The following GNB4 variants were observed in gnomAD, a reference collection of about 807,000 sequenced individuals.
GNB4 encodes guanine nucleotide-binding protein subunit beta-4.
GNB4 carries 28 observed loss-of-function variants against 45.2 expected under a neutral mutation model. That is an observed-to-expected ratio of 0.62 (90% confidence interval 0.46 to 0.85). The LOEUF (loss-of-function observed/expected upper bound fraction) is 0.85, where lower values mean the gene tolerates loss of function less well. GNB4 is among the 40% of genes least tolerant of loss of function. The pLI, the probability that GNB4 is intolerant of heterozygous loss-of-function variation, is 0.00. For synonymous variants in GNB4, 132 were observed against 143.7 expected, an observed-to-expected ratio of 0.92 and a Z score of 0.58; for missense variants, 321 against 425.4, an observed-to-expected ratio of 0.75 and a Z score of 2.16.
chr3:179,402,634 C>T (rs564986263), intron 9 of GNB4, among the ~76,000 whole-genome samples: 2 of 152,292 alleles, frequency 1.3e-5, no homozygotes, highest in African/African-American at 2.4e-5. Context: ...AACGAACTTT[C>T]GTAAGCTGGA....
chr3:179,420,630 T>G (rs1160852618), intron 3 of GNB4, among the ~76,000 whole-genome samples: 1 of 151,912 alleles, frequency 6.6e-6, no homozygotes, highest in Non-Finnish European at 1.5e-5. Context: ...TTATTTTTAG[T>G]AGAGATGAGG....
chr3:179,397,499 A>G lies in GNB4; in HGVS notation c.*3714T>C, dbSNP rs1033881740. ...GAGACTAGTTTACTACTATCATGCAATCGCTGAGGTCATATGAGTCTAAAA... is the reference window on the plus strand; with the variant it reads ...GAGACTAGTTTACTACTATCATGCAGTCGCTGAGGTCATATGAGTCTAAAA... On this transcript the variant is annotated 3_prime_UTR_variant, in exon 10 of 10. Transcript: ENST00000232564. 1 of 152,402 alleles carries G rather than the reference A, an allele frequency of 6.6e-6. No homozygotes were observed. The highest frequency in any genetic ancestry group is 1.5e-5 in the Non-Finnish European group (1 of 68,030). The allele number at this position is 152,402 out of a possible 1,614,324, so 9.4% of individuals were successfully genotyped here.
intron 8 of GNB4, among the ~76,000 whole-genome samples, chr3:179,409,872 G>C (rs1396829281): frequency 6.6e-6 from 1 of 151,106 alleles, no homozygotes; most frequent in African/African-American, 2.4e-5. Context: ...GTGAATCCGA[G>C]TGATCAGTTT....
chr3:179,417,883 T>C (rs1714848751), intron 4 of GNB4, among the ~76,000 whole-genome samples: 1 of 152,000 alleles, frequency 6.6e-6, no homozygotes, highest in Non-Finnish European at 1.5e-5. Context: ...TATCTGATAG[T>C]GGGGTATAGG....
the GNB4 span, among the ~76,000 whole-genome samples, chr3:179,489,045 T>A: frequency 4.2e-5 from 3 of 71,512 alleles, no homozygotes; most frequent in Non-Finnish European, 7.1e-5. Context: ...TATATATATA[T>A]AATATATATG....
At chr3:179,439,561 G>A (rs1715545129) in intron 1 of GNB4, among the ~76,000 whole-genome samples, 1 of 152,164 alleles carries the variant, frequency 6.6e-6, no homozygotes, top group Non-Finnish European at 1.5e-5. Flanking sequence ...GGTCACCAAG[G>A]CAATGTGAAT....
chr3:179,519,299 T>A, the GNB4 span, among the ~76,000 whole-genome samples: 1 of 152,170 alleles, frequency 6.6e-6, no homozygotes, highest in Non-Finnish European at 1.5e-5. Context: ...GCTCTCTGAC[T>A]CCATCCCAGA....
upstream of GNB4, chr3:179,451,671 TTC>T (rs1323107743): frequency 1.3e-5 from 2 of 151,996 alleles, no homozygotes; most frequent in African/African-American, 4.8e-5. Flanking sequence ...GCTTCCTATT[TTC>T]TCTCTCGTTT....
At chr3:179,483,702 C>T in the GNB4 span, among the ~76,000 whole-genome samples, 1 of 152,086 alleles carries the variant, frequency 6.6e-6, no homozygotes, top group Non-Finnish European at 1.5e-5. Flanking sequence ...TAAGACTGGA[C>T]AAAATTTTTA....
chr3:179,417,794 AGTTCCTTT>A (rs1714846746), intron 4 of GNB4, among the ~76,000 whole-genome samples: 1 of 152,224 alleles, frequency 6.6e-6, no homozygotes, highest in Admixed American at 6.5e-5. Flanking sequence ...TCAGCCACCC[AGTTCCTTT>A]CCCTAGAGGT....
chr3:179,398,065 T>C lies in GNB4; in HGVS notation c.*3148A>G, dbSNP rs1293439134. On this transcript the variant is annotated 3_prime_UTR_variant, in exon 10 of 10. Transcript: ENST00000232564. ...GCTGAAGCAGGTTTTTGGGACGATA[T>C]GCTCAACACCACAGGGTGATAACAT... The C allele has an allele frequency of 2.0e-5, 3 of 152,122 alleles. No individual in the cohort carries two copies. Among genetic ancestry groups the C allele is most frequent in the Non-Finnish European group, 4.4e-5 (3 of 68,048 alleles). 9.4% of individuals were successfully genotyped at this position (152,122 alleles called of 1,614,324 possible).
chr3:179,490,515 G>A, the GNB4 span, among the ~76,000 whole-genome samples: 7 of 152,274 alleles, frequency 4.6e-5, no homozygotes, highest in South Asian at 4.1e-4. Context: ...ATGACAGGCC[G>A]TCTGCAAGCT....
intron 1 of GNB4, among the ~76,000 whole-genome samples, chr3:179,450,822 ACT>A (rs1419730225): frequency 5.9e-5 from 9 of 152,144 alleles, no homozygotes; most frequent in Admixed American, 2.6e-4. Flanking sequence ...CCATCCCCAA[ACT>A]CTGGACATTA....
the GNB4 span, among the ~76,000 whole-genome samples, chr3:179,497,669 G>A: frequency 6.6e-6 from 1 of 151,452 alleles, no homozygotes; most frequent in African/African-American, 2.4e-5. Flanking sequence ...CCTAGCCAGA[G>A]CAATTACTGA....
chr3:179,505,584 G>A, the GNB4 span, among the ~76,000 whole-genome samples: 1 of 152,202 alleles, frequency 6.6e-6, no homozygotes, highest in Non-Finnish European at 1.5e-5. Context: ...TAGAGCTGAG[G>A]TGGATTTTAT....
At chr3:179,418,489 GAAAA>G (rs1172785195) in intron 4 of GNB4, among the ~76,000 whole-genome samples, 3 of 134,276 alleles carry the variant, frequency 2.2e-5, no homozygotes, top group African/African-American at 5.4e-5. Context: ...AAAAAAAAAA[GAAAA>G]AAGAAAAGAA....
At chr3:179,464,295 C>G in the GNB4 span, 11 of 562,594 alleles carry the variant, frequency 2.0e-5, no homozygotes, top group Non-Finnish European at 3.5e-5. Context: ...TCCATCTCTA[C>G]TAAAAATTAA....
chr3:179,418,080 C>T (rs372338500), intron 4 of GNB4, among the ~76,000 whole-genome samples: 1 of 152,188 alleles, frequency 6.6e-6, no homozygotes, highest in African/African-American at 2.4e-5. Flanking sequence ...AAAGCAAGAA[C>T]CATAAACATT....
chr3:179,430,010 C>T (rs1715258328), intron 1 of GNB4, among the ~76,000 whole-genome samples: 1 of 151,930 alleles, frequency 6.6e-6, no homozygotes, highest in South Asian at 2.1e-4. Context: ...ATATACAAAG[C>T]TATACATACA....
Sources: gnomAD v4.1 joint callset for allele counts (sites outside exome capture counted in the v4.1 genomes callset) on GRCh38, gnomAD v4.1.1 for gene constraint, MANE v1.5 for transcripts, NCBI Gene and HGNC (gene_info 2026-07-23, HGNC 2026-07-21) for gene names.